The following ADAMTSL1 variants were observed in gnomAD, a reference collection of about 807,000 sequenced individuals.
ADAMTSL1 encodes the protein ADAMTS-like protein 1.
ADAMTSL1 carries 126 observed loss-of-function variants against 201.8 expected under a neutral mutation model. The observed-to-expected ratio is 0.62, with a 90% CI of 0.54 to 0.72. The LOEUF (loss-of-function observed/expected upper bound fraction) is 0.72, where lower values mean the gene tolerates loss of function less well. Among genes scored for constraint, ADAMTSL1 ranks in the 30% least tolerant of loss-of-function variants. The pLI is 0.00. For missense variants in ADAMTSL1, 2,679 were observed against 2,277.8 expected (o/e 1.18, Z -3.59); for synonymous variants, 1,121 against 903.4 (o/e 1.24, Z -4.32).
intron 1 of ADAMTSL1, among the ~76,000 whole-genome samples, chr9:18,028,430 G>A (rs1820791904): frequency 6.6e-6 from 1 of 152,134 alleles, no homozygotes; most frequent in Admixed American, 6.5e-5. Flanking sequence ...CTTAGAGAAT[G>A]CTGAAAACAG....
intron 2 of ADAMTSL1, among the ~76,000 whole-genome samples, chr9:18,402,092 T>C (rs1818009594): frequency 6.6e-6 from 1 of 152,180 alleles, no homozygotes; most frequent in African/African-American, 2.4e-5. Flanking sequence ...AATCTCTGCC[T>C]TCACCCAGAT....
At chr9:18,864,622 C>G (rs1308166702) in intron 23 of ADAMTSL1, among the ~76,000 whole-genome samples, 2 of 152,296 alleles carry the variant, frequency 1.3e-5, no homozygotes, top group East Asian at 3.9e-4. Flanking sequence ...GGAAGTGAAG[C>G]CAGAGATGCC....
intron 3 of ADAMTSL1, among the ~76,000 whole-genome samples, chr9:18,554,565 C>T (rs114673629): frequency 0.011 from 1,725 of 151,832 alleles, 39 homozygotes; most frequent in African/African-American, 0.037. Flanking sequence ...GTCATGAGTC[C>T]TATTGTTAGA....
intron 6 of ADAMTSL1, among the ~76,000 whole-genome samples, chr9:18,637,763 G>T (rs1168451338): frequency 6.6e-6 from 1 of 152,084 alleles, no homozygotes; most frequent in Admixed American, 6.6e-5. Context: ...AGCTGGTACA[G>T]TGTGAAACCA....
At chr9:18,153,761 A>G (rs993045866) in intron 1 of ADAMTSL1, among the ~76,000 whole-genome samples, 7 of 152,086 alleles carry the variant, frequency 4.6e-5, no homozygotes, top group African/African-American at 1.7e-4. Flanking sequence ...CTACCAAAAC[A>G]TGTATAGAAT....
At chr9:18,682,320 T>C (rs2811802) in intron 12 of ADAMTSL1, among the ~76,000 whole-genome samples, 118,824 of 152,120 alleles carry the variant, frequency 0.78, 46,907 homozygotes, top group African/African-American at 0.89. Context: ...AGGGAGTGAA[T>C]CCAAGTATGT....
chr9:18,396,269 G>T (rs1035967345), intron 2 of ADAMTSL1, among the ~76,000 whole-genome samples: 2 of 152,112 alleles, frequency 1.3e-5, no homozygotes, highest in African/African-American at 4.8e-5. Flanking sequence ...TAGTCAGAAG[G>T]TTGACTGAAA....
At chr9:17,914,421 C>T (rs1439012313) in intron 1 of ADAMTSL1, among the ~76,000 whole-genome samples, 1 of 152,074 alleles carries the variant, frequency 6.6e-6, no homozygotes, top group African/African-American at 2.4e-5. Context: ...TGACAAAAAC[C>T]ACATGATTAT....
chr9:18,480,659 A>G (rs1821678785), intron 1 of ADAMTSL1, among the ~76,000 whole-genome samples: 1 of 152,220 alleles, frequency 6.6e-6, no homozygotes, highest in South Asian at 2.1e-4. Context: ...TATACATGCC[A>G]GTACTTACTC....
intron 14 of ADAMTSL1, among the ~76,000 whole-genome samples, chr9:18,712,088 C>A (rs1382155365): frequency 6.6e-6 from 1 of 151,098 alleles, no homozygotes; most frequent in South Asian, 2.1e-4. Context: ...ACACCAAAAA[C>A]CCATCTGTAC....
At chr9:17,921,642 T>G (rs2131293948) in intron 1 of ADAMTSL1, among the ~76,000 whole-genome samples, 1 of 152,256 alleles carries the variant, frequency 6.6e-6, no homozygotes, top group East Asian at 1.9e-4. Context: ...AGACTGACAC[T>G]TTTTATTTCC....
chr9:17,987,237 T>C (rs1818965181), intron 1 of ADAMTSL1, among the ~76,000 whole-genome samples: 1 of 152,106 alleles, frequency 6.6e-6, no homozygotes. Context: ...GGTATTACTA[T>C]CGTAGTGTTC....
intron 1 of ADAMTSL1, among the ~76,000 whole-genome samples, chr9:18,160,338 C>G (rs1308734591): frequency 7.2e-5 from 11 of 151,990 alleles, no homozygotes; most frequent in South Asian, 2.1e-4. Flanking sequence ...GTTCCTTACC[C>G]TATTCCTGCG....
At chr9:18,772,146 G>A (rs1316144172) in intron 17 of ADAMTSL1, among the ~76,000 whole-genome samples, 1 of 152,122 alleles carries the variant, frequency 6.6e-6, no homozygotes, top group Non-Finnish European at 1.5e-5. Context: ...GTTGATTTGG[G>A]GTATGGCATT....
At chr9:18,531,254 G>T (rs1348589588) in intron 2 of ADAMTSL1, among the ~76,000 whole-genome samples, 1 of 152,184 alleles carries the variant, frequency 6.6e-6, no homozygotes, top group Non-Finnish European at 1.5e-5. Context: ...TGAAAATCCA[G>T]ATCACTCTTG....
chr9:18,278,884 G>A (rs1304953011), intron 2 of ADAMTSL1, among the ~76,000 whole-genome samples: 1 of 151,164 alleles, frequency 6.6e-6, no homozygotes. Context: ...CTCTGACTGG[G>A]TAATTTCAAA....
intron 2 of ADAMTSL1, among the ~76,000 whole-genome samples, chr9:18,298,762 G>A (rs991395733): frequency 5.3e-5 from 8 of 151,980 alleles, no homozygotes; most frequent in Non-Finnish European, 1.0e-4. Context: ...GGTGGCTCAC[G>A]CTTGTAATCC....
intron 27 of ADAMTSL1, 66 bp downstream of exon 27, chr9:18,905,957 G>A: frequency 7.3e-7 from 1 of 1,368,906 alleles, no homozygotes; most frequent in Non-Finnish European, 1.0e-6. Context: ...ATGGTGCTGA[G>A]TGAATGTTTC....
At chr9:18,886,164 G>GTATATATA (rs773443727) in intron 23 of ADAMTSL1, among the ~76,000 whole-genome samples, 14 of 62,224 alleles carry the variant, frequency 2.2e-4, no homozygotes, top group African/African-American at 3.0e-4. Flanking sequence ...GAGTGTGTAT[G>GTATATATA]TGTATATATA....
Sources: gnomAD v4.1 joint callset for allele counts (sites outside exome capture counted in the v4.1 genomes callset) on GRCh38, gnomAD v4.1.1 for gene constraint, MANE v1.5 for transcripts, NCBI Gene and HGNC (gene_info 2026-07-23, HGNC 2026-07-21) for gene names.